The following LSM14B variants were observed in gnomAD, a reference collection of about 807,000 sequenced individuals.
The protein encoded by LSM14B is LSM family member 14B, also known as protein LSM14 homolog B.
In LSM14B, 8 loss-of-function variants were observed where a neutral mutation model predicts 42.1. That is an observed-to-expected ratio of 0.19 (90% CI 0.11 to 0.34). The LOEUF (loss-of-function observed/expected upper bound fraction) is 0.34. LSM14B is among the 10% of genes least tolerant of loss of function. The pLI is 1.00. For missense variants in LSM14B, 396 were observed against 513.1 expected (o/e 0.77, Z 2.21); for synonymous variants, 219 against 209.7 (o/e 1.04, Z -0.38).
In LSM14B at chr20:62,130,441, T is replaced by C; in HGVS notation, c.674-89T>C. On this transcript the variant is annotated intron_variant, in intron 5 of 8. Transcript: ENST00000279068. The surrounding 1 kb of genome is among the most constrained non-coding windows in gnomAD (Gnocchi z 4.1). ...GTGTGCTCTGTTCCTTCTGTGGCCT[T>C]GGGGGTGTGCCTGGAAATTCCTTGT... 1 of 1,553,202 alleles carries C rather than the reference T, an allele frequency of 6.4e-7. No homozygotes were observed.
intron 8 of LSM14B, 118 bp downstream of exon 8, chr20:62,133,593 T>A (rs2056828377): frequency 6.5e-6 from 8 of 1,223,586 alleles, no homozygotes; most frequent in Non-Finnish European, 6.6e-6. Context: ...GGCCCAGAGG[T>A]GTCAAAGCCA....
intron 2 of LSM14B, 77 bp downstream of exon 2, chr20:62,124,857 C>T: frequency 7.0e-7 from 1 of 1,421,502 alleles, no homozygotes; most frequent in Non-Finnish European, 9.5e-7. Context: ...CATGTTTGGT[C>T]AGAACGCTCA....
chr20:62,131,898 A>G (rs1395387459), intron 7 of LSM14B, among the ~76,000 whole-genome samples: 2 of 152,224 alleles, frequency 1.3e-5, no homozygotes, highest in East Asian at 3.8e-4. Context: ...ACGTGCTCAC[A>G]CTGGCTTTCC....
chr20:62,125,336 C>T (rs538045553), intron 2 of LSM14B, among the ~76,000 whole-genome samples: 48 of 152,224 alleles, frequency 3.2e-4, no homozygotes, highest in African/African-American at 1.1e-3. Flanking sequence ...TGTGCATGTG[C>T]GCGTGTGTAG....
chr20:62,124,282 A>G (rs2056517653), intron 1 of LSM14B, among the ~76,000 whole-genome samples: 2 of 152,366 alleles, frequency 1.3e-5, no homozygotes, highest in Non-Finnish European at 1.5e-5. Flanking sequence ...ACAGAGTCAA[A>G]CGTGAACAGG....
At position 62,135,152 on chromosome 20, in the gene LSM14B, A is replaced by G. The variant is rs1192547483; in HGVS notation, c.*1004A>G. 3 of 152,216 alleles carry G rather than the reference A, an allele frequency of 2.0e-5. No homozygotes were observed. Among genetic ancestry groups the G allele is most frequent in the Admixed American group, 6.5e-5 (1 of 15,278 alleles). 9.4% of individuals were successfully genotyped at this position (152,216 alleles called of 1,614,324 possible). On this transcript the variant is annotated 3_prime_UTR_variant, in exon 9 of 9. Transcript: ENST00000279068. ...GATGGGTCAGAACTTTAGTATACGC[A>G]TGCGTCCTCTGAGTGACAGGGCATT...
At position 62,134,270 on chromosome 20, in the gene LSM14B, C is replaced by T. The variant is rs2056848236; in HGVS notation, c.*122C>T. ...CTTTGTTTACGGAGTTTGGAAGAGA[C>T]CCATACTGCTACTTGTGTTTTGGAC... On this transcript the variant is annotated 3_prime_UTR_variant, in exon 9 of 9. Coordinates refer to ENST00000279068, the MANE Select transcript of LSM14B (RefSeq NM_144703.3). The T allele has an allele frequency of 2.1e-6, 1 of 471,716 alleles. No individual in the cohort carries two copies. Among genetic ancestry groups the T allele is most frequent in the Non-Finnish European group, 4.4e-6 (1 of 227,202 alleles). The allele number at this position is 471,716 out of a possible 1,614,324, so 29.2% of individuals were successfully genotyped here.
chr20:62,126,146 AC>A, intron 2 of LSM14B, 157 bp from the exon 3 acceptor site: 1 of 945,172 alleles, frequency 1.1e-6, no homozygotes, highest in Non-Finnish European at 1.6e-6. Flanking sequence ...GGCAGCTCTC[AC>A]CATACTGGAA....
At chr20:62,127,544 G>C in intron 3 of LSM14B, 21 of 1,375,712 alleles carry the variant, frequency 1.5e-5, no homozygotes, top group Non-Finnish European at 2.1e-5. Context: ...TGACTTATTT[G>C]TGTGCTTTCT....
At chr20:62,124,310 G>A (rs992313382) in intron 1 of LSM14B, among the ~76,000 whole-genome samples, 3 of 152,390 alleles carry the variant, frequency 2.0e-5, no homozygotes, top group Non-Finnish European at 2.9e-5. Flanking sequence ...TACGAAGCAA[G>A]CCTTGTTTTG....
At chr20:62,123,166 C>T (rs1385501530) in intron 1 of LSM14B, 2 of 153,168 alleles carry the variant, frequency 1.3e-5, no homozygotes, top group Non-Finnish European at 2.9e-5. Flanking sequence ...CAGGGCGGCT[C>T]CCGTCAGCGG....
At position 62,130,738 on chromosome 20, in the gene LSM14B, A is replaced by C; in HGVS notation, c.835+47A>C. The C allele has an allele frequency of 5.0e-6, 8 of 1,584,704 alleles. No individual in the cohort carries two copies. Among genetic ancestry groups the C allele is most frequent in the Non-Finnish European group, 6.9e-6 (8 of 1,165,970 alleles). On this transcript the variant is annotated intron_variant, in intron 6 of 8. Coordinates refer to ENST00000279068, the MANE Select transcript of LSM14B (RefSeq NM_144703.3). The surrounding 1 kb of genome is among the most constrained non-coding windows in gnomAD (Gnocchi z 4.1). ...TTATTCTCTGCACAGGAGTACCCCT[A>C]GAGAGTGTTAGGAGGAGATGCCTGG... is the stretch of plus-strand genomic sequence containing the variant.
chr20:62,126,435 T>C lies in LSM14B; in HGVS notation c.423T>C (p.Gly141=), dbSNP rs772916720. The C allele has an allele frequency of 6.2e-7, 1 of 1,608,182 alleles. No homozygotes were observed. Among genetic ancestry groups the C allele is most frequent in the Non-Finnish European group, 8.5e-7 (1 of 1,179,736 alleles). Reference sequence around the variant, plus strand: ...GCCAGCAGTATGCCGCCTCCCTGGGTCTAGGTGAGTGACCTGTTTCTGTCT... The same window carrying C: ...GCCAGCAGTATGCCGCCTCCCTGGGCCTAGGTGAGTGACCTGTTTCTGTCT... The part of the protein sequence containing the change: ...LLSQQYAASL[G]LGAGFPSIPV... The change falls in exon 3 of 9, where the codon GGT becomes GGC. Residue 141 remains glycine, a synonymous_variant. Transcript: ENST00000279068.
chr20:62,129,642 G>A, intron 3 of LSM14B, 143 bp from the exon 4 acceptor site: 2 of 905,290 alleles, frequency 2.2e-6, no homozygotes, highest in East Asian at 2.7e-5. Context: ...CCAGTCTGGG[G>A]GTGCTTTGCC....
chr20:62,123,019 A>C, intron 1 of LSM14B: 1 of 252,846 alleles, frequency 4.0e-6, no homozygotes, highest in Non-Finnish European at 7.3e-6. Flanking sequence ...CCGGCCGCAC[A>C]ATGGTCTCCC....
chr20:62,131,289 C>A lies in LSM14B; in HGVS notation c.836-67C>A. 2.0e-6 allele frequency: 3 copies of A among 1,520,112 alleles called. No individual in the cohort carries two copies. In the South Asian group the frequency reaches 4.0e-5, roughly 20 times the overall value. The allele number at this position is 1,520,112 out of a possible 1,614,324, so 94.2% of individuals were successfully genotyped here. On this transcript the variant is annotated intron_variant, in intron 6 of 8. Transcript: ENST00000279068. ...TGGCTTCCGAGTGAGCCCGGAGGGACCACCCTGCTAAAAGGCTGTGCGCTC... is the reference window on the plus strand; with the variant it reads ...TGGCTTCCGAGTGAGCCCGGAGGGAACACCCTGCTAAAAGGCTGTGCGCTC...
rs2056433740 is a variant in LSM14B at position 62,122,619 on chromosome 20, G to C, written c.-48G>C. 5.1e-6 allele frequency: 6 copies of C among 1,187,844 alleles called. No homozygotes were observed. Among genetic ancestry groups the C allele is most frequent in the Non-Finnish European group, 6.4e-6 (6 of 937,490 alleles). 73.6% of individuals were successfully genotyped at this position (1,187,844 alleles called of 1,614,324 possible). ...CCGCGCGGCGGCGGAGCGGGCCGCGGCCCGGCGCTCCTTCCCCACCGCGGC... is the reference window on the plus strand; with the variant it reads ...CCGCGCGGCGGCGGAGCGGGCCGCGCCCCGGCGCTCCTTCCCCACCGCGGC... On this transcript the variant is annotated 5_prime_UTR_variant, in exon 1 of 9. Coordinates refer to ENST00000279068, the MANE Select transcript of LSM14B (RefSeq NM_144703.3). The surrounding 1 kb of genome is among the most constrained non-coding windows in gnomAD (Gnocchi z 4.6).
chr20:62,122,526 G>A lies in LSM14B; in HGVS notation c.-141G>A, dbSNP rs2056429946. ...CGGTGCCCGCGCAGGCCCCTCGGGC[G>A]GTGGCGAGGAGGCGCCCAGGCGGAG... On this transcript the variant is annotated 5_prime_UTR_variant, in exon 1 of 9. Transcript: ENST00000279068. This position sits in a 1 kb window ranked among gnomAD's most constrained non-coding sequence, Gnocchi z 4.6. 1.9e-6 allele frequency: 1 copy of A among 530,660 alleles called. No individual in the cohort carries two copies. Among genetic ancestry groups the A allele is most frequent in the African/African-American group, 2.1e-5 (1 of 48,184 alleles). The allele number at this position is 530,660 out of a possible 1,614,324, so 32.9% of individuals were successfully genotyped here.
At chr20:62,131,807 A>G (rs549620684) in intron 7 of LSM14B, among the ~76,000 whole-genome samples, 2 of 152,352 alleles carry the variant, frequency 1.3e-5, no homozygotes, top group Non-Finnish European at 2.9e-5. Flanking sequence ...CACATTCAGC[A>G]TACCTCACGG....
Sources: allele counts gnomAD v4.1 joint callset (sites outside exome capture counted in the v4.1 genomes callset), GRCh38; gene constraint gnomAD v4.1.1; non-coding constraint Gnocchi (gnomAD v3.1); transcripts MANE v1.5; gene names NCBI Gene and HGNC (gene_info 2026-07-23, HGNC 2026-07-21).